Variants in NINJ2 observed in about 807,000 individuals in gnomAD.
NINJ2 encodes the protein ninjurin-2.
In NINJ2, 12 loss-of-function variants were observed where a neutral mutation model predicts 11.7. That is an observed-to-expected ratio of 1.02 (90% CI 0.66 to 1.66). The LOEUF (loss-of-function observed/expected upper bound fraction) is 1.66, where lower values mean the gene tolerates loss of function less well. Ranked by LOEUF, NINJ2 falls within the 40% of genes most tolerant of loss-of-function variation. NINJ2 has a pLI of 0.00. For synonymous variants in NINJ2, 93 were observed against 76.8 expected, an observed-to-expected ratio of 1.21 and a Z score of -1.10; for missense variants, 187 against 181.8, an observed-to-expected ratio of 1.03 and a Z score of -0.16.
At chr12:586,885 G>A (rs1337329786) in intron 1 of NINJ2, among the ~76,000 whole-genome samples, 3 of 152,152 alleles carry the variant, frequency 2.0e-5, no homozygotes, top group African/African-American at 7.2e-5. Context: ...TGTTGCCCAC[G>A]GGGGACGCCA....
At chr12:613,914 T>G (rs1310408961) in intron 1 of NINJ2, among the ~76,000 whole-genome samples, 1 of 151,876 alleles carries the variant, frequency 6.6e-6, no homozygotes, top group Non-Finnish European at 1.5e-5. Context: ...CAAAAAATAA[T>G]AATAATAAAT....
chr12:587,603 G>A (rs1025649808), intron 1 of NINJ2, among the ~76,000 whole-genome samples: 2 of 152,122 alleles, frequency 1.3e-5, no homozygotes, highest in Non-Finnish European at 2.9e-5. Context: ...GTCTTGGCCC[G>A]ATGCTTGTGG....
chr12:649,531 G>GTATATGTATATATATA (rs1555167492), intron 1 of NINJ2, among the ~76,000 whole-genome samples: 2 of 127,698 alleles, frequency 1.6e-5, no homozygotes, highest in Non-Finnish European at 3.3e-5. Context: ...GTGTATATGT[G>GTATATGTATATATATA]TATATATATA....
chr12:626,931 A>G (rs2120407241), intron 1 of NINJ2, among the ~76,000 whole-genome samples: 1 of 152,184 alleles, frequency 6.6e-6, no homozygotes, highest in South Asian at 2.1e-4. Context: ...ACAAAAATTA[A>G]AAGAGTACGC....
intron 1 of NINJ2, among the ~76,000 whole-genome samples, chr12:573,234 C>T (rs1947403667): frequency 6.6e-6 from 1 of 151,856 alleles, no homozygotes; most frequent in Non-Finnish European, 1.5e-5. Context: ...ACCATGTTGC[C>T]CAGGCTCATC....
intron 1 of NINJ2, among the ~76,000 whole-genome samples, chr12:618,512 C>T (rs1304721430): frequency 6.6e-6 from 1 of 152,138 alleles, no homozygotes; most frequent in East Asian, 1.9e-4. Context: ...TGTGCCTGAT[C>T]TGTCTATTTT....
chr12:565,627 G>A, intron 2 of NINJ2: 4 of 611,650 alleles, frequency 6.5e-6, no homozygotes, highest in Admixed American at 5.8e-5. Flanking sequence ...ACTTAAGCTG[G>A]GTCCTGTAAG....
intron 1 of NINJ2, among the ~76,000 whole-genome samples, chr12:611,908 G>A (rs539784087): frequency 3.9e-5 from 6 of 152,182 alleles, no homozygotes; most frequent in Non-Finnish European, 7.3e-5. Context: ...AATATTTGAC[G>A]GGATGCATGA....
intron 1 of NINJ2, among the ~76,000 whole-genome samples, chr12:569,427 C>G (rs1947347622): frequency 6.6e-6 from 1 of 152,224 alleles, no homozygotes; most frequent in African/African-American, 2.4e-5. Context: ...TTCAACTGTG[C>G]CCCCTGGCCT....
chr12:584,226 G>C (rs576095681), intron 1 of NINJ2, among the ~76,000 whole-genome samples: 1 of 152,268 alleles, frequency 6.6e-6, no homozygotes, highest in African/African-American at 2.4e-5. Context: ...GGGCATTTTG[G>C]AACTACAGGG....
Position 585,489 on chromosome 12 carries a change from GGAGGGAAGGGAAGGGAA to G in NINJ2, c.34-19328_34-19312del, listed in dbSNP as rs1251973558. Among the ~76,000 whole-genome samples, 2 of 27,510 alleles carry G rather than the reference GGAGGGAAGGGAAGGGAA, an allele frequency of 7.3e-5. No homozygotes were observed. Among genetic ancestry groups the G allele is most frequent in the Admixed American group, 8.8e-4 (2 of 2,262 alleles). The allele number at this position is 27,510 out of a possible 152,430, so 18.0% of individuals were successfully genotyped here. On this transcript the variant is annotated intron_variant, in intron 1 of 3. Transcript: ENST00000305108. The surrounding 1 kb of genome is among the most constrained non-coding windows in gnomAD (Gnocchi z 4.1). The stretch of plus-strand genomic sequence containing the variant: ...CAACGGTTGGAGGAAGGGAACGGTT[GGAGGGAAGGGAAGGGAA>G]CGGTTGGAGGGAAGGGAAGGGAACG...
At chr12:658,510 A>G (rs1224304191) in intron 1 of NINJ2, among the ~76,000 whole-genome samples, 2 of 152,232 alleles carry the variant, frequency 1.3e-5, no homozygotes, top group African/African-American at 2.4e-5. Flanking sequence ...TGAAAAGGCT[A>G]CATATTGTAT....
At chr12:566,621 C>G (rs1432938426) in intron 1 of NINJ2, among the ~76,000 whole-genome samples, 1 of 152,216 alleles carries the variant, frequency 6.6e-6, no homozygotes, top group Non-Finnish European at 1.5e-5. Context: ...GGCACCTCCT[C>G]TCGCATAATG....
intron 1 of NINJ2, among the ~76,000 whole-genome samples, chr12:637,710 G>GT (rs1405555518): frequency 6.6e-6 from 1 of 152,160 alleles, no homozygotes; most frequent in African/African-American, 2.4e-5. Flanking sequence ...ATGCCATTGG[G>GT]TAGGGCCTTG....
intron 1 of NINJ2, among the ~76,000 whole-genome samples, chr12:613,988 T>C (rs1948063853): frequency 6.6e-6 from 1 of 152,196 alleles, no homozygotes; most frequent in Admixed American, 6.5e-5. Flanking sequence ...GCAATGATGG[T>C]ACCTCCACCA....
chr12:579,510 CAAACAAAACA>C (rs55989841), intron 1 of NINJ2, among the ~76,000 whole-genome samples: 2 of 151,552 alleles, frequency 1.3e-5, no homozygotes, highest in South Asian at 4.2e-4. Flanking sequence ...CAAAACAAAA[CAAACAAAACA>C]AAACAAAACA....
chr12:613,880 G>A (rs183833313), intron 1 of NINJ2, among the ~76,000 whole-genome samples: 3,716 of 152,174 alleles, frequency 0.024, 53 homozygotes, highest in Middle Eastern at 0.065. Context: ...ACTCCAGCCC[G>A]GGTGACAGAG....
chr12:623,189 G>C (rs1217957915), intron 1 of NINJ2, among the ~76,000 whole-genome samples: 1 of 152,210 alleles, frequency 6.6e-6, no homozygotes, highest in Non-Finnish European at 1.5e-5. Flanking sequence ...CTCAGGAACA[G>C]AGTCCATCTG....
At chr12:641,980 CACCACCTTTCG>C (rs1434937873) in intron 1 of NINJ2, among the ~76,000 whole-genome samples, 1 of 152,140 alleles carries the variant, frequency 6.6e-6, no homozygotes, top group Non-Finnish European at 1.5e-5. Flanking sequence ...TCTAGCGGAA[CACCACCTTTCG>C]ACATGGTCCC....
Sources: allele counts gnomAD v4.1 joint callset (sites outside exome capture counted in the v4.1 genomes callset), GRCh38; gene constraint gnomAD v4.1.1; non-coding constraint Gnocchi (gnomAD v3.1); transcripts MANE v1.5; gene names NCBI Gene and HGNC (gene_info 2026-07-23, HGNC 2026-07-21).